The following FDX1 variants were observed in gnomAD, a reference collection of about 807,000 sequenced individuals.
FDX1 encodes the protein ferredoxin 1.
FDX1 carries 9 observed loss-of-function variants against 14.9 expected under a neutral mutation model. The ratio of observed to expected loss-of-function variants is 0.60; its 90% confidence interval spans 0.36 to 1.05. FDX1 has a LOEUF of 1.05. Ranked by LOEUF, FDX1 falls within the 50% of genes least tolerant of loss-of-function variation. The probability of loss-of-function intolerance (pLI) is 0.01; values close to 1 mark genes in which losing one functional copy is unlikely to be tolerated. For synonymous variants in FDX1, 92 were observed against 99.4 expected, an observed-to-expected ratio of 0.93 and a Z score of 0.44; for missense variants, 204 against 237.2, an observed-to-expected ratio of 0.86 and a Z score of 0.92.
At chr11:110,448,446 T>C (rs557630437) in intron 2 of FDX1, among the ~76,000 whole-genome samples, 2 of 152,314 alleles carry the variant, frequency 1.3e-5, no homozygotes, top group Admixed American at 6.5e-5. Flanking sequence ...GGGCAGGCAA[T>C]TGTATTGTCA....
intron 1 of FDX1, 103 bp downstream of exon 1, chr11:110,430,408 C>A: frequency 1.3e-6 from 1 of 786,104 alleles, no homozygotes; most frequent in Non-Finnish European, 1.7e-6. Context: ...CTTCTGCGCG[C>A]CGGGCCCACA....
At chr11:110,460,592 A>G (rs1239303660) in intron 3 of FDX1, among the ~76,000 whole-genome samples, 1 of 152,170 alleles carries the variant, frequency 6.6e-6, no homozygotes, top group Non-Finnish European at 1.5e-5. Context: ...TCTCAGAGCC[A>G]TTTGGCTTTC....
chr11:110,443,402 A>C (rs1055021792), intron 2 of FDX1, among the ~76,000 whole-genome samples: 11 of 151,502 alleles, frequency 7.3e-5, no homozygotes, highest in African/African-American at 2.4e-4. Flanking sequence ...CACATCATTT[A>C]ACATGCCGTC....
intron 2 of FDX1, among the ~76,000 whole-genome samples, chr11:110,445,818 C>G (rs1286278954): frequency 6.6e-6 from 1 of 152,048 alleles, no homozygotes. Context: ...TGAGTAAATC[C>G]AAGCAAGTCC....
intron 1 of FDX1, among the ~76,000 whole-genome samples, chr11:110,431,111 AG>A (rs1946328307): frequency 9.1e-6 from 1 of 110,298 alleles, no homozygotes; most frequent in East Asian, 3.5e-4. Context: ...TAGCAGCAGC[AG>A]CAGCAGCAGC....
intron 2 of FDX1, among the ~76,000 whole-genome samples, chr11:110,447,099 C>T (rs1005476955): frequency 1.3e-5 from 2 of 151,012 alleles, no homozygotes; most frequent in Admixed American, 1.3e-4. Flanking sequence ...TTGCTTTAAC[C>T]CAGGAGTCAG....
At chr11:110,440,775 G>A (rs1565380821) in intron 2 of FDX1, among the ~76,000 whole-genome samples, 1 of 152,166 alleles carries the variant, frequency 6.6e-6, no homozygotes, top group African/African-American at 2.4e-5. Context: ...GTTAATTTAG[G>A]TGTAGATACT....
At chr11:110,440,628 T>G (rs1203044913) in intron 2 of FDX1, among the ~76,000 whole-genome samples, 1 of 152,304 alleles carries the variant, frequency 6.6e-6, no homozygotes, top group African/African-American at 2.4e-5. Context: ...TCTTAATATC[T>G]CATAACAGTG....
At chr11:110,459,728 CAG>C (rs1946544831) in intron 3 of FDX1, among the ~76,000 whole-genome samples, 1 of 152,206 alleles carries the variant, frequency 6.6e-6, no homozygotes, top group Admixed American at 6.5e-5. Context: ...AGTGTGAAAT[CAG>C]GGGAGCCTTG....
At position 110,444,651 on chromosome 11, in the gene FDX1, TATATATATATATAC is replaced by T. The variant is rs1565381704; in HGVS notation, c.310+8694_310+8707del. On this transcript the variant is annotated intron_variant, in intron 2 of 3. Transcript: ENST00000260270. ...AAATATATGTGTGTGTGTGTGTGTGTATATATATATATACGTATATATATATATATATACACGTA... is the reference window on the plus strand; with the variant it reads ...AAATATATGTGTGTGTGTGTGTGTGTGTATATATATATATATATACACGTA... 2.5e-3 allele frequency among the ~76,000 whole-genome samples: 181 copies of T among 71,984 alleles called. 13 individuals carry two copies. The highest frequency in any genetic ancestry group is 0.011 in the African/African-American group (161 of 14,358). 47.2% of individuals were successfully genotyped at this position (71,984 alleles called of 152,430 possible).
intron 2 of FDX1, among the ~76,000 whole-genome samples, chr11:110,440,047 C>T (rs939334320): frequency 6.6e-6 from 1 of 152,000 alleles, no homozygotes; most frequent in African/African-American, 2.4e-5. Context: ...TCTAGGTTTT[C>T]TAGGTTGTGT....
intron 2 of FDX1, among the ~76,000 whole-genome samples, chr11:110,442,303 C>A (rs921772826): frequency 6.6e-6 from 1 of 152,206 alleles, no homozygotes; most frequent in African/African-American, 2.4e-5. Flanking sequence ...CTCCAAACCT[C>A]AGAATGGTAG....
At chr11:110,446,717 C>T (rs1278875461) in intron 2 of FDX1, among the ~76,000 whole-genome samples, 1 of 152,194 alleles carries the variant, frequency 6.6e-6, no homozygotes, top group East Asian at 1.9e-4. Flanking sequence ...AGTTGTGCCC[C>T]CAAGATTCGC....
chr11:110,452,255 A>T (rs1440649240), intron 2 of FDX1, among the ~76,000 whole-genome samples: 1 of 152,198 alleles, frequency 6.6e-6, no homozygotes. Flanking sequence ...CATCAAAATT[A>T]AAAACTTTTG....
chr11:110,447,992 A>G (rs1159896783), intron 2 of FDX1, among the ~76,000 whole-genome samples: 2 of 152,236 alleles, frequency 1.3e-5, no homozygotes, highest in East Asian at 1.9e-4. Context: ...AAAAAGGGAC[A>G]GTCATAAATT....
chr11:110,460,616 T>A (rs1946550665), intron 3 of FDX1, among the ~76,000 whole-genome samples: 1 of 152,262 alleles, frequency 6.6e-6, no homozygotes, highest in Admixed American at 6.5e-5. Flanking sequence ...CTCGGTGGCA[T>A]TTGCCACAGT....
chr11:110,429,405 C>T (rs557859846), upstream of FDX1, among the ~76,000 whole-genome samples: 1 of 152,238 alleles, frequency 6.6e-6, no homozygotes, highest in Admixed American at 6.5e-5. Flanking sequence ...TTTTAGAGAT[C>T]TCAGCTCATC....
chr11:110,453,989 T>G (rs1946504170), intron 2 of FDX1, among the ~76,000 whole-genome samples: 1 of 152,210 alleles, frequency 6.6e-6, no homozygotes, highest in Non-Finnish European at 1.5e-5. Context: ...TTGGCAAGTT[T>G]TTTTGGCAGA....
intron 2 of FDX1, 26 bp from the exon 3 acceptor site, chr11:110,456,892 T>C (rs757295878): frequency 5.0e-6 from 8 of 1,600,238 alleles, no homozygotes; most frequent in Non-Finnish European, 6.0e-6. Context: ...GAAGGGACTA[T>C]GTTCAGTGTT....
Sources: allele counts gnomAD v4.1 joint callset (sites outside exome capture counted in the v4.1 genomes callset), GRCh38; gene constraint gnomAD v4.1.1; transcripts MANE v1.5; gene names NCBI Gene and HGNC (gene_info 2026-07-23, HGNC 2026-07-21).